Variants in LRP4 observed in about 807,000 individuals in gnomAD.
The protein encoded by LRP4 is low-density lipoprotein receptor-related protein 4.
Under a neutral mutation model 220.3 loss-of-function variants are expected in LRP4, and 95 were observed. The observed-to-expected ratio is 0.43, with a 90% CI of 0.37 to 0.51. The LOEUF (loss-of-function observed/expected upper bound fraction) is 0.51, where lower values mean the gene tolerates loss of function less well. Ranked by LOEUF, LRP4 falls within the 20% of genes least tolerant of loss-of-function variation. The probability of loss-of-function intolerance (pLI) is 0.00; values close to 1 mark genes in which losing one functional copy is unlikely to be tolerated. For missense variants in LRP4, 1,925 were observed against 2,567.0 expected (o/e 0.75, Z 5.40); for synonymous variants, 903 against 954.6 (o/e 0.95, Z 1.00).
At chr11:46,909,740 T>G (rs1365056191) in intron 1 of LRP4, among the ~76,000 whole-genome samples, 1 of 148,598 alleles carries the variant, frequency 6.7e-6, no homozygotes, top group Non-Finnish European at 1.5e-5. Flanking sequence ...GTTGAATGAA[T>G]GAATGAATGA....
intron 34 of LRP4, among the ~76,000 whole-genome samples, chr11:46,865,816 G>A (rs1413357051): frequency 1.3e-5 from 2 of 152,190 alleles, no homozygotes; most frequent in African/African-American, 2.4e-5. Flanking sequence ...GAAAAGGTCC[G>A]AGCGGGGTCA....
chr11:46,917,163 G>C (rs1400784882), intron 1 of LRP4, among the ~76,000 whole-genome samples: 1 of 152,218 alleles, frequency 6.6e-6, no homozygotes, highest in Non-Finnish European at 1.5e-5. Context: ...AGGCAAGTTC[G>C]GAAATCTGCA....
intron 20 of LRP4, among the ~76,000 whole-genome samples, chr11:46,881,092 A>G (rs1206478029): frequency 1.6e-5 from 2 of 128,740 alleles, no homozygotes; most frequent in Non-Finnish European, 3.4e-5. Flanking sequence ...AAAAGACAGT[A>G]ATATTGGATC....
intron 37 of LRP4, among the ~76,000 whole-genome samples, chr11:46,860,286 CT>C (rs1302010866): frequency 6.6e-6 from 1 of 151,532 alleles, no homozygotes; most frequent in East Asian, 1.9e-4. Context: ...AGGAAATCTT[CT>C]TATCTGGGTC....
chr11:46,875,194 T>C lies in LRP4; in HGVS notation c.3926-91A>G, dbSNP rs1344654639. ...CAGTTGTTTGTGGCTGGCTCTTTGC[T>C]GTTCTAAGTGACAGGATTCAGTGCC... On this transcript the variant is annotated intron_variant, in intron 27 of 37. Transcript: ENST00000378623. This position sits in a 1 kb window ranked among gnomAD's most constrained non-coding sequence, Gnocchi z 4.5. 5.2e-6 allele frequency: 7 copies of C among 1,345,022 alleles called. No individual in the cohort carries two copies. Among genetic ancestry groups the C allele is most frequent in the African/African-American group, 4.3e-5 (3 of 69,806 alleles). 83.3% of individuals were successfully genotyped at this position (1,345,022 alleles called of 1,614,324 possible).
In LRP4 at chr11:46,899,060, G is replaced by C. The variant is rs1478721885; in HGVS notation, c.548-28C>G. ...GGAGGGAAGGCAGGGGTGGGGAGGG[G>C]CACACACTCAGGCCTGGATGAAGGA... is the stretch of plus-strand genomic sequence containing the variant. On this transcript the variant is annotated intron_variant, in intron 5 of 37. Transcript: ENST00000378623. The surrounding 1 kb of genome is among the most constrained non-coding windows in gnomAD (Gnocchi z 5.9). The C allele has an allele frequency of 6.2e-7, 1 of 1,603,230 alleles. No homozygotes were observed. Among genetic ancestry groups the C allele is most frequent in the Non-Finnish European group, 8.5e-7 (1 of 1,173,122 alleles).
intron 1 of LRP4, among the ~76,000 whole-genome samples, chr11:46,912,037 A>G (rs927474927): frequency 2.0e-5 from 3 of 152,036 alleles, no homozygotes; most frequent in African/African-American, 7.2e-5. Flanking sequence ...TATTTTTAGT[A>G]GACATGGGGT....
In LRP4 at chr11:46,903,279, A is replaced by G. The variant is rs1453942277; in HGVS notation, c.53-350T>C. Among the ~76,000 whole-genome samples the G allele has an allele frequency of 3.3e-5, 5 of 152,106 alleles. No homozygotes were observed. In the East Asian group the frequency reaches 9.6e-4, roughly 29 times the overall value. The stretch of plus-strand genomic sequence containing the variant: ...GGGGCTGAGATGGGAGGATTGATTG[A>G]GCTCAGAAGTTCAAGACCATCGTGG... On this transcript the variant is annotated intron_variant, in intron 1 of 37. Transcript: ENST00000378623.
intron 1 of LRP4, among the ~76,000 whole-genome samples, chr11:46,911,890 T>C (rs1941866049): frequency 7.0e-6 from 1 of 143,252 alleles, no homozygotes; most frequent in Admixed American, 7.6e-5. Flanking sequence ...TCGCTCAGCC[T>C]GGAGTGCAGT....
intron 34 of LRP4, among the ~76,000 whole-genome samples, chr11:46,866,362 C>T (rs1447027488): frequency 2.0e-5 from 3 of 151,636 alleles, no homozygotes; most frequent in Admixed American, 2.0e-4. Flanking sequence ...CAGCTCACTG[C>T]AGCCTAAACC....
Position 46,859,037 on chromosome 11 carries a change from C to G in LRP4, c.5664G>C (p.Leu1888=). The G allele has an allele frequency of 6.2e-7, 1 of 1,614,142 alleles. No homozygotes were observed. Among genetic ancestry groups the G allele is most frequent in the Non-Finnish European group, 8.5e-7 (1 of 1,180,034 alleles). The change falls in exon 38 of 38, where the codon CTG becomes CTC. Residue 1888 remains leucine (L), a synonymous_variant. Coordinates refer to ENST00000378623, the MANE Select transcript of LRP4 (RefSeq NM_002334.4). ...TAATPERRGS[L]PDTGWKHERK... ...GTTCATGTTTCCAGCCCGTGTCTGG[C>G]AGAGAGCCTCGTCTTTCTGGAGTGG...
At position 46,874,965 on chromosome 11, in the gene LRP4, T is replaced by C; in HGVS notation, c.4064A>G (p.Tyr1355Cys). ...GKTCDPSPET[Y>C]LLFSSRGSIR... ...GGAGCCACGGCTGGAGAAGAGCAGGTAGGTCTCAGGAGAGGGATCACAGGT... is the reference window on the plus strand; with the variant it reads ...GGAGCCACGGCTGGAGAAGAGCAGGCAGGTCTCAGGAGAGGGATCACAGGT... Residue 1355 changes from tyrosine to cysteine, a missense_variant, in exon 28 of 38, where the codon TAC becomes TGC. This residue lies in a region of LRP4 where 1,244 missense variants were observed against 1,624.9 expected (regional missense o/e 0.77). Transcript: ENST00000378623. 1 of 1,614,118 alleles carries C rather than the reference T, an allele frequency of 6.2e-7. No individual in the cohort carries two copies. Among genetic ancestry groups the C allele is most frequent in the Non-Finnish European group, 8.5e-7 (1 of 1,180,026 alleles).
At chr11:46,878,261 C>A (rs1453830199) in intron 22 of LRP4, among the ~76,000 whole-genome samples, 1 of 144,478 alleles carries the variant, frequency 6.9e-6, no homozygotes, top group Non-Finnish European at 1.5e-5. Flanking sequence ...CAATTTTGGG[C>A]AGTTAGAAGT....
At chr11:46,876,354 G>T (rs1941015341) in intron 25 of LRP4, 112 bp downstream of exon 25, 2 of 1,254,822 alleles carry the variant, frequency 1.6e-6, no homozygotes, top group Middle Eastern at 2.0e-4. Flanking sequence ...CCCCAGGGAG[G>T]TCACCTTGTT....
intron 28 of LRP4, 33 bp downstream of exon 28, chr11:46,874,767 T>C (rs750878241): frequency 6.6e-5 from 106 of 1,601,518 alleles, no homozygotes; most frequent in Non-Finnish European, 8.7e-5. Context: ...GAAGCAAATC[T>C]GTGTCTTCTG....
rs190264632 is a variant in LRP4, at chr11:46,876,661, C to A, written c.3365-24G>T. ...CCCTGTGGGAAGTCAAAAGAGCACA[C>A]TGGCTCCTATTTTAAAACAGATGGG... On this transcript the variant is annotated intron_variant, in intron 24 of 37. Coordinates refer to ENST00000378623, the MANE Select transcript of LRP4 (RefSeq NM_002334.4). 807 of 1,614,214 alleles carry A rather than the reference C, an allele frequency of 5.0e-4. 5 individuals carry two copies. The African/African-American group carries it at 9.1e-3, about 18-fold the overall frequency.
intron 1 of LRP4, among the ~76,000 whole-genome samples, chr11:46,912,840 CCAGGAGCT>C (rs1941886575): frequency 6.6e-6 from 1 of 152,250 alleles, no homozygotes; most frequent in East Asian, 1.9e-4. Flanking sequence ...CTGCCTGGAG[CCAGGAGCT>C]TCCCGGCTCC....
chr11:46,880,147 T>C (rs990586441), intron 20 of LRP4, among the ~76,000 whole-genome samples: 1 of 151,566 alleles, frequency 6.6e-6, no homozygotes, highest in African/African-American at 2.4e-5. Context: ...GTCAATAAAG[T>C]CACAGAAAAG....
Position 46,899,413 on chromosome 11 carries a change from T to A in LRP4, c.521A>T (p.Lys174Ile). The change falls in exon 5 of 38, where the codon AAA becomes ATA. Residue 174 changes from lysine (K) to isoleucine (I), a missense_variant. This residue lies in a region of LRP4 where 412 missense variants were observed against 505.4 expected (regional missense o/e 0.82). Transcript: ENST00000378623. The surrounding 1 kb of genome is among the most constrained non-coding windows in gnomAD (Gnocchi z 5.9). ...ACAGTTCTCCTCATCGGAGCCATCT[T>A]TGCAGTCGGTGTCACCGTCGCAGTA... ...HWYCDGDTDCKDGSDEENCPS... is the reference protein window; with the variant it reads ...HWYCDGDTDCIDGSDEENCPS... 6.2e-7 allele frequency: 1 copy of A among 1,614,102 alleles called. No homozygotes were observed. Among genetic ancestry groups the A allele is most frequent in the South Asian group, 1.1e-5 (1 of 91,080 alleles).
Sources: allele counts gnomAD v4.1 joint callset (sites outside exome capture counted in the v4.1 genomes callset), GRCh38; gene constraint gnomAD v4.1.1; regional missense constraint gnomAD v4.1.1; non-coding constraint Gnocchi (gnomAD v3.1); transcripts MANE v1.5; gene names NCBI Gene and HGNC (gene_info 2026-07-23, HGNC 2026-07-21).